The following BLMH variants were observed in gnomAD, a reference collection of about 807,000 sequenced individuals.
BLMH encodes BLM hydrolase.
Under a neutral mutation model 61.6 loss-of-function variants are expected in BLMH, and 32 were observed. That is an observed-to-expected ratio of 0.52 (90% confidence interval 0.39 to 0.70). The LOEUF is 0.70. Ranked by LOEUF, BLMH falls within the 30% of genes least tolerant of loss-of-function variation. The pLI, the probability that BLMH is intolerant of heterozygous loss-of-function variation, is 0.00. For synonymous variants in BLMH, 183 were observed against 193.8 expected, an observed-to-expected ratio of 0.94 and a Z score of 0.46; for missense variants, 460 against 555.5, an observed-to-expected ratio of 0.83 and a Z score of 1.73.
At chr17:30,285,265 A>C in intron 6 of BLMH, 123 bp downstream of exon 6, 1 of 687,728 alleles carries the variant, frequency 1.5e-6, no homozygotes, top group African/African-American at 1.8e-5. Flanking sequence ...TAAAATAAGT[A>C]ATTTTCAATT....
At chr17:30,289,089 T>C (rs754563425) in intron 3 of BLMH, among the ~76,000 whole-genome samples, 4 of 152,192 alleles carry the variant, frequency 2.6e-5, no homozygotes, top group Non-Finnish European at 5.9e-5. Context: ...AAAAGGGAGA[T>C]ATATTGAATT....
At chr17:30,276,683 C>T (rs780836963) in intron 6 of BLMH, among the ~76,000 whole-genome samples, 4 of 152,216 alleles carry the variant, frequency 2.6e-5, no homozygotes, top group Non-Finnish European at 2.9e-5. Context: ...ATCCAAACTC[C>T]GTGACCTAAT....
At chr17:30,274,863 C>T (rs993260605) in intron 6 of BLMH, among the ~76,000 whole-genome samples, 34 of 151,980 alleles carry the variant, frequency 2.2e-4, no homozygotes, top group African/African-American at 7.7e-4. Flanking sequence ...CCTGTAGTCC[C>T]AGGTGCTCAA....
intron 11 of BLMH, among the ~76,000 whole-genome samples, chr17:30,251,604 C>T (rs1040168940): frequency 1.3e-5 from 2 of 152,210 alleles, no homozygotes; most frequent in African/African-American, 2.4e-5. Flanking sequence ...TCCCACTACA[C>T]AGGACCAAGA....
chr17:30,274,348 A>G (rs1908360854), intron 6 of BLMH, 151 bp from the exon 7 acceptor site: 2 of 873,072 alleles, frequency 2.3e-6, no homozygotes, highest in African/African-American at 3.4e-5. Flanking sequence ...TGCGTCAAAA[A>G]CTGGAAAGCC....
At chr17:30,269,329 C>T (rs1908201208) in intron 10 of BLMH, among the ~76,000 whole-genome samples, 2 of 151,362 alleles carry the variant, frequency 1.3e-5, no homozygotes, top group East Asian at 2.0e-4. Context: ...TACAGGTGCA[C>T]GCCACCATGC....
At chr17:30,281,736 T>C (rs1908598940) in intron 6 of BLMH, among the ~76,000 whole-genome samples, 2 of 152,152 alleles carry the variant, frequency 1.3e-5, no homozygotes, top group East Asian at 1.9e-4. Flanking sequence ...GTGACAATCA[T>C]AGCTCACTGC....
At chr17:30,273,913 T>C (rs928507317) in intron 7 of BLMH, 129 bp downstream of exon 7, 3 of 1,151,010 alleles carry the variant, frequency 2.6e-6, no homozygotes, top group African/African-American at 1.6e-5. Context: ...TCAGAGGAAG[T>C]GGGGAAAAAT....
chr17:30,283,666 C>T (rs1431068308), intron 6 of BLMH, among the ~76,000 whole-genome samples: 4 of 151,808 alleles, frequency 2.6e-5, no homozygotes, highest in South Asian at 2.1e-4. Flanking sequence ...GGACTACAGG[C>T]GCATACCACC....
At position 30,291,799 on chromosome 17, in the gene BLMH, C is replaced by T; in HGVS notation, c.13+8G>A. ...AGAGGACCGCGGCGGGGGACGGCGGCACCTCACCCGAGCTGCTCATGGCGC... is the reference window on the plus strand; with the variant it reads ...AGAGGACCGCGGCGGGGGACGGCGGTACCTCACCCGAGCTGCTCATGGCGC... On this transcript the variant is annotated splice_region_variant and intron_variant, in intron 1 of 11. Transcript: ENST00000261714. 7.1e-7 allele frequency: 1 copy of T among 1,400,320 alleles called. No homozygotes were observed. The highest frequency in any genetic ancestry group is 9.2e-7 in the Non-Finnish European group (1 of 1,081,608). The allele number at this position is 1,400,320 out of a possible 1,614,324, so 86.7% of individuals were successfully genotyped here. A position where few individuals can be genotyped will look rare whatever the true frequency, so the allele number is the denominator to read the frequency against.
intron 11 of BLMH, among the ~76,000 whole-genome samples, chr17:30,255,150 G>A (rs1399055919): frequency 6.6e-6 from 1 of 152,120 alleles, no homozygotes; most frequent in Non-Finnish European, 1.5e-5. Flanking sequence ...ACTGTGTAAT[G>A]ACATTCTGGT....
intron 1 of BLMH, 109 bp downstream of exon 1, chr17:30,291,698 C>T: frequency 7.1e-7 from 1 of 1,399,566 alleles, no homozygotes; most frequent in Non-Finnish European, 9.4e-7. Context: ...CGAAAGCTCC[C>T]TCCCCGCCAT....
intron 6 of BLMH, among the ~76,000 whole-genome samples, chr17:30,279,720 T>C (rs1908531290): frequency 6.6e-6 from 1 of 152,108 alleles, no homozygotes; most frequent in South Asian, 2.1e-4. Context: ...GAGGATAACT[T>C]GAGCCTGGGA....
chr17:30,273,096 C>T (rs1908320538), intron 7 of BLMH, 197 bp from the exon 8 acceptor site: 11 of 575,042 alleles, frequency 1.9e-5, no homozygotes, highest in Admixed American at 6.7e-5. Context: ...TATTCTAATT[C>T]GCGTAAGAGA....
chr17:30,279,946 C>G (rs559770045), intron 6 of BLMH, among the ~76,000 whole-genome samples: 1 of 151,070 alleles, frequency 6.6e-6, no homozygotes, highest in East Asian at 1.9e-4. Flanking sequence ...ATGTGTAGAT[C>G]CCAATTTAAA....
At chr17:30,258,754 A>G (rs1907881919) in intron 11 of BLMH, among the ~76,000 whole-genome samples, 1 of 152,226 alleles carries the variant, frequency 6.6e-6, no homozygotes, top group South Asian at 2.1e-4. Context: ...TTTAGATGCC[A>G]TCCAAGGGTC....
chr17:30,271,577 T>C, intron 9 of BLMH, 189 bp from the exon 10 acceptor site: 1 of 505,522 alleles, frequency 2.0e-6, no homozygotes, highest in Non-Finnish European at 3.6e-6. Flanking sequence ...GTCCATTCTC[T>C]ATGTGTCACA....
rs1474965254 is a variant in BLMH, at chr17:30,248,326, G to A, written c.*691C>T. 1 of 152,328 alleles carries A rather than the reference G, an allele frequency of 6.6e-6. No individual in the cohort carries two copies. The highest frequency in any genetic ancestry group is 2.4e-5 in the African/African-American group (1 of 41,320). The allele number at this position is 152,328 out of a possible 1,614,324, so 9.4% of individuals were successfully genotyped here. A position where few individuals can be genotyped will look rare whatever the true frequency, so the allele number is the denominator to read the frequency against. On this transcript the variant is annotated 3_prime_UTR_variant, in exon 12 of 12. Coordinates refer to ENST00000261714, the MANE Select transcript of BLMH (RefSeq NM_000386.4). ...CCACAGGCAGAAGTTAAACCATTTG[G>A]CTAGAGTTCCCCCTAATGATTATGA...
intron 6 of BLMH, among the ~76,000 whole-genome samples, chr17:30,278,898 G>A (rs753837824): frequency 9.9e-5 from 15 of 152,228 alleles, no homozygotes; most frequent in Middle Eastern, 3.4e-3. Flanking sequence ...CTTGAACTCC[G>A]GGCCTCAAGT....
Sources: gnomAD v4.1 joint callset for allele counts (sites outside exome capture counted in the v4.1 genomes callset) on GRCh38, gnomAD v4.1.1 for gene constraint, MANE v1.5 for transcripts, NCBI Gene and HGNC (gene_info 2026-07-23, HGNC 2026-07-21) for gene names.